Variants in CRTC3 observed in about 807,000 individuals in gnomAD.
The protein encoded by CRTC3 is CREB regulated transcription coactivator 3, also known as CREB-regulated transcription coactivator 3.
In CRTC3, 26 loss-of-function variants were observed where a neutral mutation model predicts 74.5. That is an observed-to-expected ratio of 0.35 (90% CI 0.26 to 0.48). CRTC3 has a LOEUF of 0.48. CRTC3 is among the 20% of genes least tolerant of loss of function. The pLI is 0.99. For missense variants in CRTC3, 760 were observed against 787.3 expected (o/e 0.97, Z 0.41); for synonymous variants, 377 against 325.8 (o/e 1.16, Z -1.69).
At chr15:90,584,295 T>TGGCACG (rs1967609448) in intron 2 of CRTC3, among the ~76,000 whole-genome samples, 1 of 150,126 alleles carries the variant, frequency 6.7e-6, no homozygotes, top group South Asian at 2.1e-4. Context: ...TGGAGTGCAG[T>TGGCACG]GGCACGATCT....
chr15:90,529,948 T>G lies in CRTC3; in HGVS notation c.-124T>G. The G allele has an allele frequency of 1.3e-6, 1 of 748,128 alleles. No homozygotes were observed. The highest frequency in any genetic ancestry group is 1.7e-6 in the Non-Finnish European group (1 of 595,784). 46.3% of individuals were successfully genotyped at this position (748,128 alleles called of 1,614,324 possible). On this transcript the variant is annotated 5_prime_UTR_variant, in exon 1 of 15. Coordinates refer to ENST00000268184, the MANE Select transcript of CRTC3 (RefSeq NM_022769.5). ...GGCTCCGGGGCCGCGGCGGCTCCTC[T>G]GCCGGGTCGCGCCGGACGACTGGCT...
At chr15:90,535,649 A>C (rs1404091900) in intron 1 of CRTC3, among the ~76,000 whole-genome samples, 2 of 117,522 alleles carry the variant, frequency 1.7e-5, no homozygotes, top group South Asian at 2.8e-4. Flanking sequence ...CATTATTTTC[A>C]TGTGAAAATA....
At chr15:90,569,732 C>CG (rs1204944190) in intron 2 of CRTC3, among the ~76,000 whole-genome samples, 2 of 151,650 alleles carry the variant, frequency 1.3e-5, no homozygotes, top group Non-Finnish European at 2.9e-5. Context: ...AGGTTCACCC[C>CG]GCCATGCCTG....
At chr15:90,595,051 T>C (rs1312607151) in intron 3 of CRTC3, 1 of 152,236 alleles carries the variant, frequency 6.6e-6, no homozygotes, top group African/African-American at 2.4e-5. Flanking sequence ...TCTGATTTTG[T>C]ATATTATGTG....
intron 2 of CRTC3, among the ~76,000 whole-genome samples, chr15:90,552,602 C>G (rs1288476067): frequency 6.6e-6 from 1 of 152,162 alleles, no homozygotes; most frequent in African/African-American, 2.4e-5. Context: ...GCAGGCAAAC[C>G]TGGTTTGAGT....
chr15:90,540,275 T>C (rs1387746997), intron 2 of CRTC3, 138 bp downstream of exon 2: 1 of 608,334 alleles, frequency 1.6e-6, no homozygotes, highest in Non-Finnish European at 2.8e-6. Flanking sequence ...TCCATTAATA[T>C]TCTCTCTCAT....
Position 90,642,657 on chromosome 15 carries a change from C to G in CRTC3, c.*517C>G. The G allele has an allele frequency of 4.2e-6, 1 of 236,040 alleles. No individual in the cohort carries two copies. Among genetic ancestry groups the G allele is most frequent in the Non-Finnish European group, 8.4e-6 (1 of 119,572 alleles). The allele number at this position is 236,040 out of a possible 1,614,324, so 14.6% of individuals were successfully genotyped here. On this transcript the variant is annotated 3_prime_UTR_variant, in exon 15 of 15. Coordinates refer to ENST00000268184, the MANE Select transcript of CRTC3 (RefSeq NM_022769.5). Reference sequence around the variant, plus strand: ...GGGACATTCCCAGGCTGAGTGGACCCCACGGCTCTCTCCCACGCCTGGATT... The same window carrying G: ...GGGACATTCCCAGGCTGAGTGGACCGCACGGCTCTCTCCCACGCCTGGATT...
At chr15:90,602,845 A>T (rs888267401) in intron 4 of CRTC3, among the ~76,000 whole-genome samples, 9 of 151,828 alleles carry the variant, frequency 5.9e-5, no homozygotes, top group Admixed American at 2.6e-4. Context: ...ATGACAGCAC[A>T]TGCCTGTAAT....
chr15:90,533,083 TCA>T (rs1966655370), intron 1 of CRTC3, among the ~76,000 whole-genome samples: 5 of 19,054 alleles, frequency 2.6e-4, no homozygotes, highest in Non-Finnish European at 3.3e-4. Context: ...AGACTTCATC[TCA>T]AAAAAAAAAA....
intron 2 of CRTC3, among the ~76,000 whole-genome samples, chr15:90,564,252 T>C (rs1033478633): frequency 2.0e-5 from 3 of 152,246 alleles, no homozygotes; most frequent in Non-Finnish European, 4.4e-5. Flanking sequence ...ACAGAACTAT[T>C]TTCTCTGAAT....
intron 11 of CRTC3, among the ~76,000 whole-genome samples, chr15:90,637,323 A>G (rs1422414054): frequency 1.3e-5 from 2 of 152,140 alleles, no homozygotes; most frequent in African/African-American, 2.4e-5. Flanking sequence ...CAAACACCAC[A>G]TATTCTCACT....
intron 6 of CRTC3, 148 bp downstream of exon 6, chr15:90,607,626 T>C (rs142645698): frequency 6.3e-4 from 363 of 575,956 alleles, no homozygotes; most frequent in African/African-American, 6.1e-3. Context: ...TGTGTGTCCA[T>C]GATGCAGTCA....
Position 90,602,401 on chromosome 15 carries a change from T to C in CRTC3, c.413+16T>C. The C allele has an allele frequency of 6.9e-7, 1 of 1,453,206 alleles. No homozygotes were observed. Among genetic ancestry groups the C allele is most frequent in the Non-Finnish European group, 9.6e-7 (1 of 1,036,276 alleles). 90.0% of individuals were successfully genotyped at this position (1,453,206 alleles called of 1,614,324 possible). ...GTTGGCCAAGGTAAGCAAGACATAC[T>C]TTAAAAGATATGATGGGCATGTGTT... On this transcript the variant is annotated intron_variant, in intron 4 of 14. Transcript: ENST00000268184.
Position 90,638,824 on chromosome 15 carries a change from T to C in CRTC3, c.1548+9T>C, listed in dbSNP as rs751114076. 8.1e-6 allele frequency: 13 copies of C among 1,611,322 alleles called. No homozygotes were observed. In the East Asian group the frequency reaches 2.5e-4, roughly 30 times the overall value. On this transcript the variant is annotated intron_variant, in intron 13 of 14. Transcript: ENST00000268184. ...CTGCCTTTCCTCAACAGGTGGGTGA[T>C]CGCCCCTGCCTTCTCCTCCCTTGGT...
chr15:90,546,029 A>T (rs1208909838), intron 2 of CRTC3, among the ~76,000 whole-genome samples: 1 of 152,124 alleles, frequency 6.6e-6, no homozygotes, highest in Non-Finnish European at 1.5e-5. Flanking sequence ...AGTCTCGAAG[A>T]GTAGAAGTTT....
At chr15:90,611,266 G>C (rs1968350227) in intron 6 of CRTC3, among the ~76,000 whole-genome samples, 1 of 152,034 alleles carries the variant, frequency 6.6e-6, no homozygotes, top group African/African-American at 2.4e-5. Flanking sequence ...TGTGTAGGGA[G>C]TTATTTTAGA....
rs1267026160 is a variant in CRTC3, at chr15:90,540,098, A to C, written c.192A>C (p.Pro64=). 1.2e-6 allele frequency: 2 copies of C among 1,613,310 alleles called. No individual in the cohort carries two copies. Among genetic ancestry groups the C allele is most frequent in the African/African-American group, 2.7e-5 (2 of 74,904 alleles). Residue 64 remains proline, a synonymous_variant, in exon 2 of 15, where the codon CCA becomes CCC. Coordinates refer to ENST00000268184, the MANE Select transcript of CRTC3 (RefSeq NM_022769.5). ...CACAGTACCATGGAGGATCCTTACC[A>C]AATGTGAGCCAGCTGCGGAGCAGTG... ...RLTQYHGGSL[P]NVSQLRSSAS...
At chr15:90,618,420 G>T (rs1968551667) in intron 8 of CRTC3, among the ~76,000 whole-genome samples, 1 of 152,156 alleles carries the variant, frequency 6.6e-6, no homozygotes, top group African/African-American at 2.4e-5. Context: ...CAGTAGACAA[G>T]TCATCTGTTT....
At chr15:90,558,102 TAC>T (rs1363076285) in intron 2 of CRTC3, among the ~76,000 whole-genome samples, 1 of 152,200 alleles carries the variant, frequency 6.6e-6, no homozygotes, top group Non-Finnish European at 1.5e-5. Flanking sequence ...TTCTTCCAGT[TAC>T]TTGTGCCAAA....
Sources: gnomAD v4.1 joint callset for allele counts (sites outside exome capture counted in the v4.1 genomes callset) on GRCh38, gnomAD v4.1.1 for gene constraint, MANE v1.5 for transcripts, NCBI Gene and HGNC (gene_info 2026-07-23, HGNC 2026-07-21) for gene names.